NTRK3: variants seen among roughly 807,000 people sequenced by gnomAD.
NTRK3 encodes NT-3 growth factor receptor.
NTRK3 carries 24 observed loss-of-function variants against 91.7 expected under a neutral mutation model. That is an observed-to-expected ratio of 0.26 (90% CI 0.19 to 0.37). NTRK3 has a LOEUF of 0.37. NTRK3 is among the 10% of genes least tolerant of loss of function. The pLI, the probability that NTRK3 is intolerant of heterozygous loss-of-function variation, is 1.00. For missense variants in NTRK3, 880 were observed against 1,068.9 expected (o/e 0.82, Z 2.46); for synonymous variants, 483 against 404.0 (o/e 1.20, Z -2.34).
chr15:88,044,405 C>A (rs1404751630), intron 13 of NTRK3, among the ~76,000 whole-genome samples: 2 of 151,718 alleles, frequency 1.3e-5, no homozygotes, highest in Non-Finnish European at 2.9e-5. Flanking sequence ...GGACTAAAGG[C>A]ACCTGCCACC....
At chr15:88,149,380 G>T (rs192090288) in intron 5 of NTRK3, among the ~76,000 whole-genome samples, 1 of 152,144 alleles carries the variant, frequency 6.6e-6, no homozygotes, top group Non-Finnish European at 1.5e-5. Flanking sequence ...CTGTTCTGCT[G>T]TCTTCCCTGT....
chr15:88,027,568 G>A (rs2078145446), intron 14 of NTRK3, among the ~76,000 whole-genome samples: 1 of 152,070 alleles, frequency 6.6e-6, no homozygotes, highest in South Asian at 2.1e-4. Flanking sequence ...ATTTTTAGTA[G>A]AGACGGGGTT....
At chr15:88,132,891 G>T (rs553980575) in intron 10 of NTRK3, among the ~76,000 whole-genome samples, 64 of 152,172 alleles carry the variant, frequency 4.2e-4, no homozygotes, top group Non-Finnish European at 7.2e-4. Context: ...CTGAGGAAAT[G>T]ACCTCAGGTG....
chr15:87,937,789 T>C (rs1567128638), intron 15 of NTRK3, among the ~76,000 whole-genome samples: 1 of 151,930 alleles, frequency 6.6e-6, no homozygotes, highest in African/African-American at 2.4e-5. Context: ...GAAATAAAAT[T>C]AAGGTAACAA....
chr15:88,166,257 TGG>T (rs1234323380), intron 5 of NTRK3, among the ~76,000 whole-genome samples: 1 of 152,196 alleles, frequency 6.6e-6, no homozygotes, highest in African/African-American at 2.4e-5. Flanking sequence ...CACTCTAGAC[TGG>T]GCCTCTGGAA....
exon 14 of NTRK3, chr15:88,032,995 G>A: frequency 1.2e-6 from 2 of 1,608,486 alleles, no homozygotes; most frequent in Non-Finnish European, 1.7e-6. Context: ...TGGTTGATGT[G>A]GTGCAGTGGG....
chr15:88,146,651 G>A (rs993551662), intron 6 of NTRK3, among the ~76,000 whole-genome samples: 7 of 152,170 alleles, frequency 4.6e-5, no homozygotes, highest in Non-Finnish European at 7.3e-5. Flanking sequence ...ATGGCTGGCT[G>A]GGATAGGGGT....
At chr15:88,173,181 G>A (rs182895558) in intron 5 of NTRK3, among the ~76,000 whole-genome samples, 22 of 152,264 alleles carry the variant, frequency 1.4e-4, no homozygotes, top group Non-Finnish European at 2.2e-4. Context: ...GAAAGAATGC[G>A]GGGACCCAGG....
intron 3 of NTRK3, chr15:88,253,487 G>T (rs1257467446): frequency 6.6e-6 from 1 of 152,316 alleles, no homozygotes; most frequent in Non-Finnish European, 1.5e-5. Context: ...GGGTAAGCGT[G>T]ACTCTCCGCC....
intron 3 of NTRK3, among the ~76,000 whole-genome samples, chr15:88,217,043 C>T (rs751130558): frequency 6.6e-5 from 10 of 152,096 alleles, no homozygotes; most frequent in Non-Finnish European, 1.0e-4. Flanking sequence ...CTAATCATTA[C>T]GGAAATGCAC....
At chr15:88,082,676 G>A (rs2048161680) in intron 13 of NTRK3, among the ~76,000 whole-genome samples, 1 of 152,146 alleles carries the variant, frequency 6.6e-6, no homozygotes, top group Non-Finnish European at 1.5e-5. Flanking sequence ...TAATTTTGCT[G>A]CTGGAGCTAA....
At chr15:88,147,357 G>T in exon 6 of NTRK3, 6 of 1,613,748 alleles carry the variant, frequency 3.7e-6, no homozygotes, top group East Asian at 2.2e-5. Flanking sequence ...CTCAGCGTCT[G>T]GAAGAGCTGC....
At chr15:88,216,372 T>A (rs1425140846) in intron 3 of NTRK3, among the ~76,000 whole-genome samples, 1 of 152,210 alleles carries the variant, frequency 6.6e-6, no homozygotes, top group South Asian at 2.1e-4. Context: ...CCCTAGGTAC[T>A]TCTCCTGGCT....
chr15:88,229,525 A>G (rs1225287968), intron 3 of NTRK3, among the ~76,000 whole-genome samples: 1 of 152,200 alleles, frequency 6.6e-6, no homozygotes, highest in African/African-American at 2.4e-5. Context: ...CGTCACTCCC[A>G]TCCAAAAGAA....
chr15:88,065,561 G>C (rs751212587), intron 13 of NTRK3, among the ~76,000 whole-genome samples: 9 of 152,078 alleles, frequency 5.9e-5, no homozygotes, highest in Non-Finnish European at 1.2e-4. Flanking sequence ...AATATTGCTG[G>C]AGAAGAACCT....
intron 13 of NTRK3, among the ~76,000 whole-genome samples, chr15:88,053,196 G>T (rs1023125646): frequency 2.0e-5 from 3 of 152,166 alleles, no homozygotes; most frequent in Non-Finnish European, 4.4e-5. Context: ...TAGTGGTACT[G>T]GCAGCCACAA....
Position 88,061,346 on chromosome 15 carries a change from C to T in NTRK3, c.1397-28301G>A, listed in dbSNP as rs914757212. Among the ~76,000 whole-genome samples the T allele has an allele frequency of 3.3e-5, 5 of 152,322 alleles. No homozygotes were observed. The East Asian group carries it at 9.6e-4, about 29-fold the overall frequency. Reference sequence around the variant, plus strand: ...GAGCTCCGAGGAGGGAGCCCTGCCACGGCCTCACTCCCGCCACTAAATGAA... The same window carrying T: ...GAGCTCCGAGGAGGGAGCCCTGCCATGGCCTCACTCCCGCCACTAAATGAA... On this transcript the variant is annotated intron_variant, in intron 13 of 18. Transcript: ENST00000394480.
intron 14 of NTRK3, among the ~76,000 whole-genome samples, chr15:87,959,886 T>C (rs2072071260): frequency 6.6e-6 from 1 of 152,218 alleles, no homozygotes; most frequent in Non-Finnish European, 1.5e-5. Context: ...CATCCTTGCA[T>C]GGAGCCAGCA....
chr15:87,860,505 A>T (rs1460632645), exon 19 of NTRK3: 1 of 201,838 alleles, frequency 5.0e-6, no homozygotes, highest in Non-Finnish European at 1.0e-5. Context: ...CATAAATGAC[A>T]CCTTCACATA....
Sources: gnomAD v4.1 joint callset for allele counts (sites outside exome capture counted in the v4.1 genomes callset) on GRCh38, gnomAD v4.1.1 for gene constraint, MANE v1.5 for transcripts, NCBI Gene and HGNC (gene_info 2026-07-23, HGNC 2026-07-21) for gene names.